Variants in AKAP19 observed in about 807,000 individuals in gnomAD.
AKAP19 encodes the protein small A-kinase anchoring protein.
the AKAP19 span, among the ~76,000 whole-genome samples, chr2:190,173,694 A>G: frequency 6.6e-6 from 1 of 152,230 alleles, no homozygotes; most frequent in African/African-American, 2.4e-5. Context: ...ACCAATAGAC[A>G]GTCCTCTCTT....
the AKAP19 span, among the ~76,000 whole-genome samples, chr2:189,952,131 G>T: frequency 6.6e-6 from 1 of 152,166 alleles, no homozygotes; most frequent in East Asian, 1.9e-4. Flanking sequence ...GTTTTAAAAG[G>T]TATACACACT....
At chr2:189,971,521 A>G in the AKAP19 span, among the ~76,000 whole-genome samples, 7 of 152,306 alleles carry the variant, frequency 4.6e-5, no homozygotes, top group Admixed American at 2.6e-4. Context: ...GCTGGGTCAA[A>G]TGGTATTTCT....
chr2:190,113,063 AT>A, the AKAP19 span, among the ~76,000 whole-genome samples: 6 of 151,452 alleles, frequency 4.0e-5, no homozygotes, highest in East Asian at 7.7e-4. Flanking sequence ...TGTTTCATCA[AT>A]TTTTTTTTCT....
the AKAP19 span, among the ~76,000 whole-genome samples, chr2:190,069,175 T>TGTGTGTGTGTGTGTGTGAGAGA: frequency 8.9e-5 from 11 of 123,540 alleles, no homozygotes; most frequent in African/African-American, 3.6e-4. Flanking sequence ...TGTGTGTGTG[T>TGTGTGTGTGTGTGTGTGAGAGA]GAGAGAGAGA....
At chr2:189,978,340 G>A in the AKAP19 span, among the ~76,000 whole-genome samples, 1 of 151,254 alleles carries the variant, frequency 6.6e-6, no homozygotes, top group African/African-American at 2.5e-5. Context: ...GAAAATTTGG[G>A]CTGGGCATGG....
At chr2:190,137,461 T>C in the AKAP19 span, among the ~76,000 whole-genome samples, 1 of 152,194 alleles carries the variant, frequency 6.6e-6, no homozygotes. Flanking sequence ...ATACTCAGCC[T>C]GAAATAAATT....
chr2:189,923,719 AC>A, the AKAP19 span: 1 of 1,613,708 alleles, frequency 6.2e-7, no homozygotes, highest in African/African-American at 1.3e-5. Flanking sequence ...GTTACCCAGC[AC>A]GTGTACCTCC....
At chr2:190,180,159 A>C in the AKAP19 span, among the ~76,000 whole-genome samples, 2 of 152,256 alleles carry the variant, frequency 1.3e-5, no homozygotes, top group East Asian at 3.8e-4. The surrounding 1 kb of genome is among the most constrained non-coding windows in gnomAD (Gnocchi z 6.8). Flanking sequence ...TTTGCTCTGC[A>C]TACTCATGGT....
At chr2:190,034,492 A>G in the AKAP19 span, among the ~76,000 whole-genome samples, 1 of 127,048 alleles carries the variant, frequency 7.9e-6, no homozygotes, top group Non-Finnish European at 1.6e-5. Flanking sequence ...GGGCAGGATC[A>G]TTTAAGGGCT....
the AKAP19 span, among the ~76,000 whole-genome samples, chr2:189,983,980 T>C: frequency 6.6e-6 from 1 of 150,748 alleles, no homozygotes; most frequent in East Asian, 1.9e-4. Flanking sequence ...GGGGAGGGAG[T>C]GTGTGAATAG....
At chr2:189,940,682 G>A in the AKAP19 span, among the ~76,000 whole-genome samples, 1 of 151,824 alleles carries the variant, frequency 6.6e-6, no homozygotes, top group Non-Finnish European at 1.5e-5. Context: ...GCTCATGCCT[G>A]TAATCCTAGT....
At chr2:190,195,000 G>A in the AKAP19 span, among the ~76,000 whole-genome samples, 2 of 152,018 alleles carry the variant, frequency 1.3e-5, no homozygotes, top group African/African-American at 4.8e-5. Context: ...AACTGTAGGT[G>A]TGCACCACCA....
chr2:190,094,640 A>C, the AKAP19 span, among the ~76,000 whole-genome samples: 2 of 152,240 alleles, frequency 1.3e-5, no homozygotes, highest in Admixed American at 6.5e-5. Flanking sequence ...GATTTATTAC[A>C]GGATGTTTTC....
At chr2:190,071,054 T>G in the AKAP19 span, among the ~76,000 whole-genome samples, 1 of 152,208 alleles carries the variant, frequency 6.6e-6, no homozygotes. Context: ...GTCTTGATGA[T>G]CCCAACTGAG....
At chr2:189,995,811 T>C in the AKAP19 span, among the ~76,000 whole-genome samples, 1 of 152,162 alleles carries the variant, frequency 6.6e-6, no homozygotes, top group African/African-American at 2.4e-5. Context: ...CTTTTAGTGC[T>C]GGCTTGGTAG....
chr2:190,051,644 C>CA, the AKAP19 span, among the ~76,000 whole-genome samples: 145 of 152,188 alleles, frequency 9.5e-4, 1 homozygote, highest in Middle Eastern at 3.4e-3. Context: ...AGGTTTGCAT[C>CA]AGTCCTTTGC....
At chr2:190,078,871 T>G in the AKAP19 span, among the ~76,000 whole-genome samples, 1 of 152,088 alleles carries the variant, frequency 6.6e-6, no homozygotes, top group African/African-American at 2.4e-5. Context: ...GGGAACAAAA[T>G]ATATGTACAA....
chr2:189,883,409 G>A, the AKAP19 span, among the ~76,000 whole-genome samples: 1 of 151,816 alleles, frequency 6.6e-6, no homozygotes, highest in African/African-American at 2.4e-5. Context: ...TGACTATGCT[G>A]TTATAGACAT....
the AKAP19 span, among the ~76,000 whole-genome samples, chr2:189,912,095 A>G: frequency 5.7e-4 from 8 of 14,062 alleles, no homozygotes; most frequent in African/African-American, 1.3e-3. Context: ...GTAAGTTGGT[A>G]TACCACACAG....
Sources: gnomAD v4.1 joint callset for allele counts (sites outside exome capture counted in the v4.1 genomes callset) on GRCh38, gnomAD v4.1.1 for gene constraint, Gnocchi (gnomAD v3.1) non-coding constraint, MANE v1.5 for transcripts, NCBI Gene and HGNC (gene_info 2026-07-23, HGNC 2026-07-21) for gene names.